The following TMEM164 variants were observed in gnomAD, a reference collection of about 807,000 sequenced individuals.
The protein encoded by TMEM164 is RP13-360B22.2.
In TMEM164, 4 loss-of-function variants were observed where a neutral mutation model predicts 18.8. That is an observed-to-expected ratio of 0.21 (90% CI 0.10 to 0.49). The LOEUF (loss-of-function observed/expected upper bound fraction) is 0.49. TMEM164 is among the 20% of genes least tolerant of loss of function. The pLI is 0.98. For synonymous variants in TMEM164, 86 were observed against 101.7 expected, an observed-to-expected ratio of 0.85 and a Z score of 0.93; for missense variants, 108 against 239.9, an observed-to-expected ratio of 0.45 and a Z score of 3.63.
intron 2 of TMEM164, among the ~76,000 whole-genome samples, chrX:110,066,094 AC>A (rs1221915740): frequency 9.0e-6 from 1 of 111,315 alleles, no homozygotes; most frequent in African/African-American, 3.3e-5. Flanking sequence ...TCTTTTTAAG[AC>A]CCTTTCTCAT....
intron 2 of TMEM164, among the ~76,000 whole-genome samples, chrX:110,036,612 T>A (rs1245196868): frequency 3.6e-5 from 4 of 112,511 alleles, no homozygotes; most frequent in Non-Finnish European, 7.5e-5. Context: ...ACCTGTGATG[T>A]TTACAGAACG....
intron 4 of TMEM164, among the ~76,000 whole-genome samples, chrX:110,128,284 C>T (rs887336102): frequency 8.9e-6 from 1 of 112,069 alleles, no homozygotes; most frequent in African/African-American, 3.2e-5. Flanking sequence ...AAAGAGCCTA[C>T]TTCTCAGCAC....
chrX:110,180,488 C>CCCCCG (rs1218891442), downstream of TMEM164, among the ~76,000 whole-genome samples: 2 of 101,498 alleles, frequency 2.0e-5, no homozygotes, highest in Non-Finnish European at 3.8e-5. Context: ...TGCCTGAACC[C>CCCCCG]CCCCGCCCCG....
intron 4 of TMEM164, among the ~76,000 whole-genome samples, chrX:110,126,403 A>T (rs1339776543): frequency 2.7e-5 from 3 of 112,434 alleles, no homozygotes; most frequent in East Asian, 5.6e-4. Context: ...TGTTGGCTTT[A>T]GCAGTGATTT....
chrX:110,120,415 T>C (rs1005086756), intron 4 of TMEM164, among the ~76,000 whole-genome samples: 3 of 112,338 alleles, frequency 2.7e-5, no homozygotes, highest in Non-Finnish European at 5.6e-5. Flanking sequence ...GGCTGCACAA[T>C]TAGTATCCCC....
At chrX:110,165,006 T>C (rs745746258) in intron 5 of TMEM164, among the ~76,000 whole-genome samples, 109 of 112,875 alleles carry the variant, frequency 9.7e-4, no homozygotes, top group African/African-American at 3.3e-3. Flanking sequence ...TGTTCCCTTT[T>C]CCTGGAATTT....
At chrX:110,151,376 T>A (rs1161929830) in intron 5 of TMEM164, among the ~76,000 whole-genome samples, 1 of 111,138 alleles carries the variant, frequency 9.0e-6, no homozygotes, top group African/African-American at 3.3e-5. Context: ...CTACACAACC[T>A]CACCAAATTG....
chrX:110,152,692 T>TA (rs1219732508), intron 5 of TMEM164, among the ~76,000 whole-genome samples: 1 of 110,879 alleles, frequency 9.0e-6, no homozygotes, highest in Non-Finnish European at 1.9e-5. Flanking sequence ...CTCCTGCTCT[T>TA]ACCTCCTAAA....
At chrX:110,063,713 C>G (rs1027216136) in intron 2 of TMEM164, among the ~76,000 whole-genome samples, 1 of 111,606 alleles carries the variant, frequency 9.0e-6, no homozygotes, top group African/African-American at 3.3e-5. Context: ...GCCCACCAGA[C>G]CTGGGGATGA....
intron 3 of TMEM164, among the ~76,000 whole-genome samples, chrX:110,092,275 A>G (rs2065942260): frequency 8.9e-6 from 1 of 111,839 alleles, no homozygotes; most frequent in South Asian, 3.7e-4. Context: ...TGGGGATGGC[A>G]TTGAATCTAT....
chrX:110,068,940 A>G (rs986327107), intron 3 of TMEM164, among the ~76,000 whole-genome samples: 5 of 111,830 alleles, frequency 4.5e-5, no homozygotes, highest in Non-Finnish European at 9.4e-5. Flanking sequence ...TTTTCATTCT[A>G]CAATATCTCA....
chrX:110,125,390 G>A (rs2066514783), intron 4 of TMEM164, among the ~76,000 whole-genome samples: 1 of 112,078 alleles, frequency 8.9e-6, no homozygotes, highest in African/African-American at 3.2e-5. Flanking sequence ...GAGAGCACCG[G>A]TATGAACTGG....
chrX:110,049,452 A>G (rs1449791472), intron 2 of TMEM164, among the ~76,000 whole-genome samples: 1 of 111,354 alleles, frequency 9.0e-6, no homozygotes, highest in East Asian at 2.8e-4. Context: ...CATAAGGAGC[A>G]TGCAACCTAT....
Position 110,020,999 on chromosome X carries a change from C to G in TMEM164, c.390+16835C>G, listed in dbSNP as rs770694554. The stretch of plus-strand genomic sequence containing the variant: ...AAAAAAAAAAAAAAAAAAAAAAGCC[C>G]AAGCAGCCTCTTTATATGTGCATGT... On this transcript the variant is annotated intron_variant, in intron 2 of 6. Transcript: ENST00000372068. Among the ~76,000 whole-genome samples, 477 of 89,836 alleles carry G rather than the reference C, an allele frequency of 5.3e-3. 3 individuals are homozygous for G. The highest frequency in any genetic ancestry group is 0.02 in the African/African-American group (450 of 22,185). 78.0% of individuals were successfully genotyped at this position (89,836 alleles called of 115,157 possible).
intron 4 of TMEM164, among the ~76,000 whole-genome samples, chrX:110,110,095 G>A (rs180992634): frequency 9.0e-6 from 1 of 111,253 alleles, no homozygotes. Flanking sequence ...GTTTTACAGA[G>A]GAAGAAAATT....
At chrX:110,060,899 C>T (rs1936093655) in intron 2 of TMEM164, among the ~76,000 whole-genome samples, 1 of 112,109 alleles carries the variant, frequency 8.9e-6, no homozygotes, top group African/African-American at 3.2e-5. Flanking sequence ...TTATTCCCTA[C>T]AGTGTGCCAG....
intron 2 of TMEM164, among the ~76,000 whole-genome samples, chrX:110,028,106 A>G (rs910313793): frequency 1.8e-5 from 2 of 112,234 alleles, no homozygotes; most frequent in African/African-American, 6.5e-5. Context: ...AGTGTCTTTA[A>G]TTTATGTTTT....
intron 4 of TMEM164, among the ~76,000 whole-genome samples, chrX:110,128,297 A>G (rs564756234): frequency 1.8e-5 from 2 of 112,195 alleles, no homozygotes; most frequent in South Asian, 7.4e-4. Context: ...CTCAGCACAG[A>G]TGTGACTACT....
intron 2 of TMEM164, among the ~76,000 whole-genome samples, chrX:110,053,940 T>C (rs1378815125): frequency 8.9e-6 from 1 of 111,796 alleles, no homozygotes. Context: ...TGTGCGCATG[T>C]GTTCTGGAGG....
Sources: allele counts gnomAD v4.1 joint callset (sites outside exome capture counted in the v4.1 genomes callset), GRCh38; gene constraint gnomAD v4.1.1; transcripts MANE v1.5; gene names NCBI Gene and HGNC (gene_info 2026-07-23, HGNC 2026-07-21).